CCNY: variants seen among roughly 807,000 people sequenced by gnomAD.
The protein encoded by CCNY is cyclin-Y.
Under a neutral mutation model 42.8 loss-of-function variants are expected in CCNY, and 19 were observed. That is an observed-to-expected ratio of 0.44 (90% CI 0.31 to 0.65). The LOEUF is 0.65. Ranked by LOEUF, CCNY falls within the 30% of genes least tolerant of loss-of-function variation. The pLI, the probability that CCNY is intolerant of heterozygous loss-of-function variation, is 0.07. For synonymous variants in CCNY, 165 were observed against 162.7 expected, an observed-to-expected ratio of 1.01 and a Z score of -0.11; for missense variants, 370 against 437.3, an observed-to-expected ratio of 0.85 and a Z score of 1.37.
intron 1 of CCNY, among the ~76,000 whole-genome samples, chr10:35,408,403 A>C (rs1386070981): frequency 6.6e-6 from 1 of 152,192 alleles, no homozygotes; most frequent in East Asian, 1.9e-4. Context: ...GAGTCAGCAA[A>C]GGGTGGTGGG....
intron 3 of CCNY, among the ~76,000 whole-genome samples, chr10:35,298,475 A>G (rs1835496792): frequency 6.6e-6 from 1 of 152,156 alleles, no homozygotes; most frequent in South Asian, 2.1e-4. Flanking sequence ...TGTATGTGTT[A>G]GTACTTTGCT....
At chr10:35,371,609 A>G (rs776766670) in intron 1 of CCNY, among the ~76,000 whole-genome samples, 1 of 151,924 alleles carries the variant, frequency 6.6e-6, no homozygotes, top group Non-Finnish European at 1.5e-5. Flanking sequence ...CATCCTCCCT[A>G]CAGTTTTAAC....
intron 3 of CCNY, among the ~76,000 whole-genome samples, chr10:35,326,505 C>T (rs976754777): frequency 1.3e-5 from 2 of 152,160 alleles, no homozygotes; most frequent in African/African-American, 2.4e-5. Flanking sequence ...CGTTCAGTGC[C>T]CAAAGGCAAG....
intron 7 of CCNY, among the ~76,000 whole-genome samples, chr10:35,552,811 G>A (rs533962372): frequency 6.6e-6 from 1 of 152,292 alleles, no homozygotes; most frequent in South Asian, 2.1e-4. Context: ...AGATCCAGCT[G>A]CACCCACACT....
At chr10:35,382,583 T>C (rs1434881443) in intron 1 of CCNY, among the ~76,000 whole-genome samples, 1 of 152,124 alleles carries the variant, frequency 6.6e-6, no homozygotes, top group Non-Finnish European at 1.5e-5. Flanking sequence ...TGGCATCTTG[T>C]GGGTAAAGAC....
intron 3 of CCNY, among the ~76,000 whole-genome samples, chr10:35,274,264 C>A (rs1296344579): frequency 1.3e-5 from 2 of 152,162 alleles, no homozygotes; most frequent in Non-Finnish European, 2.9e-5. Context: ...TTGTTCACTA[C>A]CATGAGAACT....
chr10:35,398,372 G>A (rs182228842), intron 1 of CCNY, among the ~76,000 whole-genome samples: 165 of 152,352 alleles, frequency 1.1e-3, no homozygotes, highest in Admixed American at 0.01. Flanking sequence ...CCTTGGAAGT[G>A]ACCAACACGT....
At chr10:35,340,549 G>A (rs373195959) in intron 1 of CCNY, among the ~76,000 whole-genome samples, 41 of 147,184 alleles carry the variant, frequency 2.8e-4, no homozygotes, top group African/African-American at 8.3e-4. Context: ...CTGTCACCCA[G>A]GCTGGAGTGC....
intron 1 of CCNY, among the ~76,000 whole-genome samples, chr10:35,445,961 G>A (rs1035790218): frequency 1.3e-5 from 2 of 151,952 alleles, no homozygotes; most frequent in Admixed American, 6.6e-5. Flanking sequence ...TAAATATTTC[G>A]TGGTCTTTAG....
chr10:35,453,838 A>G (rs1241448997), intron 1 of CCNY, among the ~76,000 whole-genome samples: 1 of 152,194 alleles, frequency 6.6e-6, no homozygotes, highest in East Asian at 1.9e-4. Flanking sequence ...ACTAAGACCT[A>G]TAGTAAAAAA....
At chr10:35,310,668 T>C (rs1269732960) in intron 3 of CCNY, among the ~76,000 whole-genome samples, 3 of 152,212 alleles carry the variant, frequency 2.0e-5, no homozygotes, top group Non-Finnish European at 2.9e-5. Context: ...TGAGCATTTT[T>C]CATACAACTG....
chr10:35,459,853 G>A (rs891799007), intron 1 of CCNY, among the ~76,000 whole-genome samples: 7 of 152,118 alleles, frequency 4.6e-5, no homozygotes, highest in Non-Finnish European at 8.8e-5. Context: ...GGGTACTTGG[G>A]GGGAATACAT....
upstream of CCNY, among the ~76,000 whole-genome samples, chr10:35,332,674 G>A (rs1025033885): frequency 3.9e-5 from 6 of 151,936 alleles, no homozygotes; most frequent in African/African-American, 1.2e-4. Flanking sequence ...GCACGATCTC[G>A]GCTCACTGCA....
chr10:35,389,439 CTTTTT>C (rs1365155125), intron 1 of CCNY, among the ~76,000 whole-genome samples: 2 of 120,562 alleles, frequency 1.7e-5, no homozygotes, highest in African/African-American at 3.2e-5. Flanking sequence ...GAAAACTGTG[CTTTTT>C]TTTTTTTTTT....
chr10:35,505,364 C>T (rs1044382259), intron 3 of CCNY, among the ~76,000 whole-genome samples: 5 of 150,324 alleles, frequency 3.3e-5, no homozygotes, highest in African/African-American at 7.3e-5. Context: ...CACTTTGAAA[C>T]GAGAAAGCCA....
chr10:35,526,834 G>A (rs1840662903), intron 5 of CCNY, among the ~76,000 whole-genome samples: 1 of 152,072 alleles, frequency 6.6e-6, no homozygotes, highest in South Asian at 2.1e-4. Flanking sequence ...TTTTCATGAG[G>A]ACATAGCCAC....
intron 1 of CCNY, among the ~76,000 whole-genome samples, chr10:35,428,622 G>GAA: frequency 6.6e-6 from 1 of 152,126 alleles, no homozygotes; most frequent in East Asian, 1.9e-4. Flanking sequence ...GAGAGAGAGA[G>GAA]AATGGGGTAG....
In CCNY at chr10:35,449,564, T is replaced by C. The variant is rs1270985558; in HGVS notation, c.155-33840T>C. On this transcript the variant is annotated intron_variant, in intron 1 of 9. Coordinates refer to ENST00000374704, the MANE Select transcript of CCNY (RefSeq NM_145012.6). ...AGAGGGGGAGGCTGGTTGAGAGCTG[T>C]AGTTCGGTTTTTGGAATGAGAGTAA... 2.0e-5 allele frequency among the ~76,000 whole-genome samples: 3 copies of C among 151,594 alleles called. No homozygotes were observed. In the South Asian group the frequency reaches 6.2e-4, roughly 32 times the overall value.
intron 3 of CCNY, among the ~76,000 whole-genome samples, chr10:35,510,604 A>G (rs1475078148): frequency 6.6e-6 from 1 of 152,178 alleles, no homozygotes; most frequent in Non-Finnish European, 1.5e-5. Flanking sequence ...GTTAAAGCCT[A>G]GAGACTCTTA....
Sources: gnomAD v4.1 joint callset for allele counts (sites outside exome capture counted in the v4.1 genomes callset) on GRCh38, gnomAD v4.1.1 for gene constraint, MANE v1.5 for transcripts, NCBI Gene and HGNC (gene_info 2026-07-23, HGNC 2026-07-21) for gene names.